The following SLC23A1 variants were observed in gnomAD, a reference collection of about 807,000 sequenced individuals.
The protein encoded by SLC23A1 is Na(+)/L-ascorbic acid transporter 1.
In SLC23A1, 31 loss-of-function variants were observed where a neutral mutation model predicts 62.5. That is an observed-to-expected ratio of 0.50 (90% CI 0.37 to 0.67). The LOEUF (loss-of-function observed/expected upper bound fraction) is 0.67, where lower values mean the gene tolerates loss of function less well. Among genes scored for constraint, SLC23A1 ranks in the 30% least tolerant of loss-of-function variants. SLC23A1 has a pLI of 0.00. For synonymous variants in SLC23A1, 271 were observed against 313.2 expected, an observed-to-expected ratio of 0.87 and a Z score of 1.42; for missense variants, 640 against 782.7, an observed-to-expected ratio of 0.82 and a Z score of 2.18.
rs1258948448 is a variant in SLC23A1, at chr5:139,379,606, T to C, written c.925+72A>G. On this transcript the variant is annotated intron_variant, in intron 8 of 14. Transcript: ENST00000348729. The surrounding 1 kb of genome is among the most constrained non-coding windows in gnomAD (Gnocchi z 4.7). ...AATGCTAGGTGTGTCACCTGCTGGA[T>C]TGGGGTCACCAGGAGTCTGTCTCAT... is the stretch of plus-strand genomic sequence containing the variant. 2 of 1,410,286 alleles carry C rather than the reference T, an allele frequency of 1.4e-6. No individual in the cohort carries two copies. The highest frequency in any genetic ancestry group is 2.4e-5 in the East Asian group (1 of 40,888). The allele number at this position is 1,410,286 out of a possible 1,614,324, so 87.4% of individuals were successfully genotyped here.
At chr5:139,384,254 G>C, upstream of SLC23A1, 1 of 901,584 alleles carries the variant, frequency 1.1e-6, no homozygotes, top group Non-Finnish European at 1.5e-6. Flanking sequence ...CATGGGGAGG[G>C]GCCCTAAGAA....
At chr5:139,369,813 T>C (rs1468717651) in intron 14 of SLC23A1, 2 of 152,206 alleles carry the variant, frequency 1.3e-5, no homozygotes, top group African/African-American at 4.8e-5. Flanking sequence ...GCTGGCAAAA[T>C]GTGCTAAGCT....
chr5:139,382,670 C>G, intron 1 of SLC23A1, 65 bp from the exon 2 acceptor site: 1 of 1,023,570 alleles, frequency 9.8e-7, no homozygotes, highest in Non-Finnish European at 1.5e-6. Flanking sequence ...CCATTCTGCC[C>G]CAGAATCAAT....
upstream of SLC23A1, chr5:139,384,805 A>C (rs577991972): frequency 6.4e-5 from 60 of 937,888 alleles, no homozygotes; most frequent in Non-Finnish European, 7.5e-5. Flanking sequence ...GGTCCACGTC[A>C]TGGGTGCCCG....
At chr5:139,368,097 A>C (rs535654851) in intron 14 of SLC23A1, among the ~76,000 whole-genome samples, 1 of 152,344 alleles carries the variant, frequency 6.6e-6, no homozygotes, top group Non-Finnish European at 1.5e-5. Context: ...GCACTTTGGG[A>C]GGCCAAGGCG....
chr5:139,370,173 G>A (rs1048776887), intron 14 of SLC23A1, among the ~76,000 whole-genome samples: 1 of 152,092 alleles, frequency 6.6e-6, no homozygotes, highest in African/African-American at 2.4e-5. Flanking sequence ...GTGGTTGGTT[G>A]GTTGGTTGGT....
chr5:139,379,344 GC>G lies in SLC23A1; in HGVS notation c.935del (p.Gly312AlafsTer5), dbSNP rs778654456. Reference protein sequence around the residue: ...WIRIPYPCQWGLPTVTAAAVL... With the variant: ...WIRIPYPCQWXLPTVTAAAVL... ...CAGCAGCCGCAGTCACCGTGGGCAG[GC>G]CCCACTGACCTGTGCTCGGAGGGAG... On this transcript the variant is annotated frameshift_variant, in exon 9 of 15. Coordinates refer to ENST00000348729, the MANE Select transcript of SLC23A1 (RefSeq NM_005847.5). LOFTEE classifies it high-confidence loss of function. This position sits in a 1 kb window ranked among gnomAD's most constrained non-coding sequence, Gnocchi z 4.7. The G allele has an allele frequency of 1.2e-6, 2 of 1,614,120 alleles. No individual in the cohort carries two copies. Among genetic ancestry groups the G allele is most frequent in the East Asian group, 4.5e-5 (2 of 44,874 alleles).
At chr5:139,374,604 AC>A (rs1325215980) in intron 13 of SLC23A1, among the ~76,000 whole-genome samples, 3 of 151,668 alleles carry the variant, frequency 2.0e-5, no homozygotes, top group South Asian at 2.1e-4. Flanking sequence ...GCAAGTGACA[AC>A]CCCCCTGAGC....
chr5:139,384,492 G>A (rs962813642), upstream of SLC23A1: 15 of 1,289,716 alleles, frequency 1.2e-5, no homozygotes, highest in African/African-American at 4.6e-5. Flanking sequence ...TCCTCTGTCC[G>A]CCTGTCCTCT....
intron 14 of SLC23A1, chr5:139,368,635 T>C: frequency 2.9e-6 from 1 of 341,714 alleles, no homozygotes. Context: ...TTCTTTTGTC[T>C]TTTTTTTTTT....
chr5:139,383,335 A>AT, upstream of SLC23A1: 2 of 1,569,230 alleles, frequency 1.3e-6, no homozygotes, highest in Non-Finnish European at 1.7e-6. Context: ...TTTACTCCAC[A>AT]TATCAGGCAT....
chr5:139,370,798 AGGG>A (rs1277980594), intron 14 of SLC23A1, among the ~76,000 whole-genome samples: 2 of 151,558 alleles, frequency 1.3e-5, no homozygotes, highest in African/African-American at 4.8e-5. Flanking sequence ...AAAAAAGAAA[AGGG>A]GGCTCTAGGC....
intron 14 of SLC23A1, among the ~76,000 whole-genome samples, chr5:139,368,093 TG>T (rs1757390053): frequency 6.6e-6 from 1 of 152,256 alleles, no homozygotes; most frequent in Admixed American, 6.5e-5. Context: ...CCCAGCACTT[TG>T]GGAGGCCAAG....
chr5:139,380,943 A>T, intron 3 of SLC23A1, 57 bp from the exon 4 acceptor site: 1 of 756,502 alleles, frequency 1.3e-6, no homozygotes, highest in East Asian at 2.7e-5. Context: ...GAGGAGGGAT[A>T]AAGATGCGGG....
intron 14 of SLC23A1, among the ~76,000 whole-genome samples, chr5:139,369,997 C>A (rs895654078): frequency 6.6e-6 from 1 of 152,272 alleles, no homozygotes; most frequent in Admixed American, 6.5e-5. Context: ...ATGATGGTGA[C>A]CTTACTCTAA....
Position 139,380,057 on chromosome 5 carries a change from G to C in SLC23A1, c.667C>G (p.Leu223Val). ...AGGTTGCGCAGGTACTGGGAGAAGAGGATGATCAGGAGAATGGAGCTGGGG... is the reference window on the plus strand; with the variant it reads ...AGGTTGCGCAGGTACTGGGAGAAGACGATGATCAGGAGAATGGAGCTGGGG... ...ISACSILLIILFSQYLRNLTF... is the reference protein window; with the variant it reads ...ISACSILLIIVFSQYLRNLTF... The change falls in exon 7 of 15, where the codon CTC (leucine) becomes GTC (valine). Residue 223 changes from leucine (L) to valine (V), a missense_variant. By Grantham distance (32) the Leu-to-Val change is conservative (BLOSUM62 1). Transcript: ENST00000348729. 1 of 1,612,434 alleles carries C rather than the reference G, an allele frequency of 6.2e-7. No homozygotes were observed.
chr5:139,385,307 G>A (rs1314938599), upstream of SLC23A1, among the ~76,000 whole-genome samples: 1 of 152,218 alleles, frequency 6.6e-6, no homozygotes. Flanking sequence ...AGACCTAGGT[G>A]GGGTCCAGGG....
Position 139,378,236 on chromosome 5 carries a change from A to T in SLC23A1, c.1295T>A (p.Phe432Tyr), listed in dbSNP as rs751291688. The T allele has an allele frequency of 6.2e-7, 1 of 1,612,874 alleles. No homozygotes were observed. The highest frequency in any genetic ancestry group is 1.7e-5 in the Admixed American group (1 of 59,858). Reference sequence around the variant, plus strand: ...CAGACACTCACCAAAGAGAGTGCAGAACATGCCCCCCAGGATGGGGTCAGG... The same window carrying T: ...CAGACACTCACCAAAGAGAGTGCAGTACATGCCCCCCAGGATGGGGTCAGG... ...SLPDPILGGM[F>Y]CTLFGMITAV... Residue 432 changes from phenylalanine (F) to tyrosine (Y), a missense_variant, in exon 11 of 15, where the codon TTC (phenylalanine) becomes TAC (tyrosine). Physicochemically the swap from Phe to Tyr is conservative, Grantham distance 22. Transcript: ENST00000348729. The surrounding 1 kb of genome is among the most constrained non-coding windows in gnomAD (Gnocchi z 4.5).
At position 139,379,672 on chromosome 5, in the gene SLC23A1, G is replaced by A. The variant is rs1287138563; in HGVS notation, c.925+6C>T. On this transcript the variant is annotated splice_donor_region_variant and intron_variant, in intron 8 of 14. Coordinates refer to ENST00000348729, the MANE Select transcript of SLC23A1 (RefSeq NM_005847.5). The surrounding 1 kb of genome is among the most constrained non-coding windows in gnomAD (Gnocchi z 4.7). ...GGGGCAGAGGGGCCCAAGGGGTGTTGCTCACAGGGGTAGGGGATGCGGATC... is the reference window on the plus strand; with the variant it reads ...GGGGCAGAGGGGCCCAAGGGGTGTTACTCACAGGGGTAGGGGATGCGGATC... The A allele has an allele frequency of 4.4e-6, 7 of 1,608,148 alleles. No individual in the cohort carries two copies. The highest frequency in any genetic ancestry group is 1.1e-5 in the South Asian group (1 of 90,254).
Sources: allele counts gnomAD v4.1 joint callset (sites outside exome capture counted in the v4.1 genomes callset), GRCh38; gene constraint gnomAD v4.1.1; non-coding constraint Gnocchi (gnomAD v3.1); transcripts MANE v1.5; gene names NCBI Gene and HGNC (gene_info 2026-07-23, HGNC 2026-07-21).